Variants in CDKL1 observed in about 807,000 individuals in gnomAD.
CDKL1 encodes cyclin-dependent kinase-like 1.
CDKL1 carries 41 observed loss-of-function variants against 42.0 expected under a neutral mutation model. The ratio of observed to expected loss-of-function variants is 0.98; its 90% confidence interval spans 0.76 to 1.27. The LOEUF (loss-of-function observed/expected upper bound fraction) is 1.27. Among genes scored for constraint, CDKL1 ranks in the 50% most tolerant of loss-of-function variants. The pLI is 0.00. For missense variants in CDKL1, 394 were observed against 428.4 expected, an observed-to-expected ratio of 0.92 and a Z score of 0.71; for synonymous variants, 153 against 158.6, an observed-to-expected ratio of 0.96 and a Z score of 0.26.
Position 50,327,343 on chromosome 14 carries a change from A to G in CDKL1, c.*2731T>C. On this transcript the variant is annotated 3_prime_UTR_variant, in exon 10 of 10. Transcript: ENST00000395834. ...GATTAAGACCCTGTCTCAAAAAAAAAAAAAAAAGTGAAAAATAGATAAAAC... is the reference window on the plus strand; with the variant it reads ...GATTAAGACCCTGTCTCAAAAAAAAGAAAAAAAGTGAAAAATAGATAAAAC... 6.6e-6 allele frequency: 1 copy of G among 151,916 alleles called. No homozygotes were observed. Among genetic ancestry groups the G allele is most frequent in the Non-Finnish European group, 1.5e-5 (1 of 67,994 alleles). 9.4% of individuals were successfully genotyped at this position (151,916 alleles called of 1,614,324 possible). A position where few individuals can be genotyped will look rare whatever the true frequency, so the allele number is the denominator to read the frequency against.
chr14:50,333,337 G>A (rs1383788730), intron 8 of CDKL1: 1 of 152,184 alleles, frequency 6.6e-6, no homozygotes, highest in African/African-American at 2.4e-5. Context: ...GGTGATGAAA[G>A]TGATGTCTGG....
At chr14:50,349,151 G>A (rs1408499993) in intron 3 of CDKL1, among the ~76,000 whole-genome samples, 1 of 152,172 alleles carries the variant, frequency 6.6e-6, no homozygotes, top group Non-Finnish European at 1.5e-5. Flanking sequence ...AAAAGAAACA[G>A]GACTTCACAA....
Position 50,359,142 on chromosome 14 carries a change from T to C in CDKL1, c.176A>G (p.Lys59Arg), listed in dbSNP as rs775128542. Residue 59 changes from lysine (K) to arginine (R), a missense_variant, in exon 3 of 10, where the codon AAG becomes AGG. Coordinates refer to ENST00000395834, the MANE Select transcript of CDKL1 (RefSeq NM_004196.7). Reference sequence around the variant, plus strand: ...CAGGAGGTTAACAAGGTTGGGATGCTTGAGTTGCTGAAAACACAAAAAAAC... The same window carrying C: ...CAGGAGGTTAACAAGGTTGGGATGCCTGAGTTGCTGAAAACACAAAAAAAC... ...LREIRMLKQL[K>R]HPNLVNLLEV... 32 of 1,606,662 alleles carry C rather than the reference T, an allele frequency of 2.0e-5. 1 individual carries two copies. The highest frequency in any genetic ancestry group is 4.0e-5 in the African/African-American group (3 of 74,722).
chr14:50,365,591 C>T (rs1372604934), intron 2 of CDKL1, among the ~76,000 whole-genome samples: 1 of 152,144 alleles, frequency 6.6e-6, no homozygotes, highest in Non-Finnish European at 1.5e-5. Context: ...TGAAGCCAGT[C>T]CCCGTCTAGC....
chr14:50,372,013 A>G (rs1224727573), intron 2 of CDKL1, among the ~76,000 whole-genome samples: 1 of 152,238 alleles, frequency 6.6e-6, no homozygotes, highest in Non-Finnish European at 1.5e-5. Context: ...CACTGAGCAT[A>G]GGAGGGAGGC....
At chr14:50,341,926 C>T (rs763169814) in intron 5 of CDKL1, among the ~76,000 whole-genome samples, 1 of 152,204 alleles carries the variant, frequency 6.6e-6, no homozygotes, top group Admixed American at 6.5e-5. Context: ...AACTACTTTA[C>T]TGTGGTATAA....
At chr14:50,379,977 A>C (rs1429521598) in intron 2 of CDKL1, 10 of 388,402 alleles carry the variant, frequency 2.6e-5, no homozygotes, top group Non-Finnish European at 5.2e-5. Context: ...AAATGCTACC[A>C]TGGCCTCAGG....
At chr14:50,389,890 C>A (rs2035202589) in intron 2 of CDKL1, among the ~76,000 whole-genome samples, 1 of 152,116 alleles carries the variant, frequency 6.6e-6, no homozygotes, top group African/African-American at 2.4e-5. Flanking sequence ...AACCACATGG[C>A]ATGAACTTGG....
At chr14:50,366,859 CAG>C (rs377596889) in intron 2 of CDKL1, among the ~76,000 whole-genome samples, 38 of 151,188 alleles carry the variant, frequency 2.5e-4, no homozygotes, top group South Asian at 1.5e-3. Context: ...GATGCCATCA[CAG>C]AGAGGGGGAG....
At chr14:50,374,628 T>C (rs555169005) in intron 2 of CDKL1, among the ~76,000 whole-genome samples, 39 of 152,344 alleles carry the variant, frequency 2.6e-4, no homozygotes, top group African/African-American at 7.9e-4. Flanking sequence ...GTCTACAGAT[T>C]ATAGTTGAAG....
At chr14:50,369,310 C>CTTG (rs933669165) in intron 2 of CDKL1, among the ~76,000 whole-genome samples, 3 of 152,056 alleles carry the variant, frequency 2.0e-5, no homozygotes, top group African/African-American at 7.2e-5. Flanking sequence ...TTAGACAAGG[C>CTTG]TTGTATGCTT....
At chr14:50,397,119 G>A (rs745578025), upstream of CDKL1, 2 of 1,363,892 alleles carry the variant, frequency 1.5e-6, no homozygotes, top group Non-Finnish European at 2.0e-6. Context: ...TCCGCAGGCC[G>A]TGCAAAGCGC....
Position 50,354,197 on chromosome 14 carries a change from C to T in CDKL1, c.290+4831G>A, listed in dbSNP as rs373115857. On this transcript the variant is annotated intron_variant, in intron 3 of 9. Transcript: ENST00000395834. ...CTTGAACTCCTGACCTTAAGTGATC[C>T]GCCTACCTCGGCCTCCCAAAGTGCT... Among the ~76,000 whole-genome samples the T allele has an allele frequency of 2.7e-4, 41 of 152,204 alleles. 1 individual carries two copies. The highest frequency in any genetic ancestry group is 9.1e-4 in the African/African-American group (38 of 41,532).
intron 2 of CDKL1, chr14:50,362,949 TG>T (rs765584101): frequency 3.4e-5 from 16 of 464,198 alleles, no homozygotes; most frequent in Middle Eastern, 4.7e-4. Context: ...TAAATCTTGC[TG>T]CTGCTCACGC....
At position 50,328,612 on chromosome 14, in the gene CDKL1, G is replaced by A. The variant is rs1483798790; in HGVS notation, c.*1462C>T. 6.6e-6 allele frequency: 1 copy of A among 152,162 alleles called. No individual in the cohort carries two copies. The highest frequency in any genetic ancestry group is 2.4e-5 in the African/African-American group (1 of 41,438). The allele number at this position is 152,162 out of a possible 1,614,324, so 9.4% of individuals were successfully genotyped here. On this transcript the variant is annotated 3_prime_UTR_variant, in exon 10 of 10. Coordinates refer to ENST00000395834, the MANE Select transcript of CDKL1 (RefSeq NM_004196.7). ...TGGTGTTGAGCTGTAAGAAACAGAC[G>A]TCAGGCTTCATATTGCCCTTGTGTC...
chr14:50,381,590 G>A (rs569308611), intron 2 of CDKL1, among the ~76,000 whole-genome samples: 10 of 152,270 alleles, frequency 6.6e-5, no homozygotes, highest in African/African-American at 9.6e-5. Context: ...AACACAGTAC[G>A]TGGAAAGTAC....
In CDKL1 at chr14:50,395,892, A is replaced by C. The variant is rs774012662; in HGVS notation, c.-24T>G. ...ATCATAGAGGAATAAATCTTCTTAA[A>C]ATGGATCTTCAGCCGAGAATGGTGG... On this transcript the variant is annotated 5_prime_UTR_variant, in exon 2 of 10. In the 5' UTR this introduces an upstream ATG that the reference lacks. Transcript: ENST00000395834. The C allele has an allele frequency of 1.2e-6, 2 of 1,609,378 alleles. No homozygotes were observed. Among genetic ancestry groups the C allele is most frequent in the South Asian group, 2.2e-5 (2 of 90,972 alleles).
At chr14:50,345,491 C>G (rs2033695462) in intron 3 of CDKL1, among the ~76,000 whole-genome samples, 1 of 152,210 alleles carries the variant, frequency 6.6e-6, no homozygotes, top group Non-Finnish European at 1.5e-5. Flanking sequence ...AGCCTTGAAG[C>G]AGGACTCATC....
chr14:50,335,640 A>G, intron 7 of CDKL1: 2 of 1,520,792 alleles, frequency 1.3e-6, no homozygotes, highest in Admixed American at 4.0e-5. Context: ...AGGCTAATTG[A>G]GCAGAGAGGC....
Sources: allele counts gnomAD v4.1 joint callset (sites outside exome capture counted in the v4.1 genomes callset), GRCh38; gene constraint gnomAD v4.1.1; transcripts MANE v1.5; gene names NCBI Gene and HGNC (gene_info 2026-07-23, HGNC 2026-07-21).